The following ADAM19 variants were observed in gnomAD, a reference collection of about 807,000 sequenced individuals.
The protein encoded by ADAM19 is disintegrin and metalloproteinase domain-containing protein 19.
A neutral mutation model predicts 114.7 loss-of-function variants in ADAM19; 65 were observed. The ratio of observed to expected loss-of-function variants is 0.57; its 90% CI spans 0.46 to 0.70. The LOEUF is 0.70. ADAM19 is among the 30% of genes least tolerant of loss of function. The pLI, the probability that ADAM19 is intolerant of heterozygous loss-of-function variation, is 0.00. For missense variants in ADAM19, 1,063 were observed against 1,204.7 expected, an observed-to-expected ratio of 0.88 and a Z score of 1.74; for synonymous variants, 466 against 460.5, an observed-to-expected ratio of 1.01 and a Z score of -0.15.
chr5:157,478,908 G>C lies in ADAM19; in HGVS notation c.*2041C>G. ...ATTTCAGAGCTATCTACCTCCTGATGTGAGGGAGAAAGGCTGGAGAAGCCA... is the reference window on the plus strand; with the variant it reads ...ATTTCAGAGCTATCTACCTCCTGATCTGAGGGAGAAAGGCTGGAGAAGCCA... On this transcript the variant is annotated 3_prime_UTR_variant, in exon 23 of 23. Coordinates refer to ENST00000257527, the MANE Select transcript of ADAM19 (RefSeq NM_033274.5). 1 of 985,722 alleles carries C rather than the reference G, an allele frequency of 1.0e-6. No homozygotes were observed. Among genetic ancestry groups the C allele is most frequent in the Non-Finnish European group, 1.2e-6 (1 of 829,946 alleles). The allele number at this position is 985,722 out of a possible 1,614,324, so 61.1% of individuals were successfully genotyped here. A position where few individuals can be genotyped will look rare whatever the true frequency, so the allele number is the denominator to read the frequency against.
intron 5 of ADAM19, 91 bp from the exon 6 acceptor site, chr5:157,520,122 A>T: frequency 2.3e-6 from 3 of 1,293,128 alleles, no homozygotes; most frequent in Middle Eastern, 2.2e-4. Flanking sequence ...ATGCAAAATG[A>T]CATAGTGGGT....
chr5:157,495,933 CTTTTTTTTTTTT>C (rs57078206), intron 14 of ADAM19, among the ~76,000 whole-genome samples: 1 of 75,878 alleles, frequency 1.3e-5, no homozygotes, highest in Non-Finnish European at 2.4e-5. Context: ...TGTGCCCAGT[CTTTTTTTTTTTT>C]TTTTTTTTTT....
chr5:157,543,585 T>G (rs1270823313), intron 3 of ADAM19, among the ~76,000 whole-genome samples: 2 of 152,196 alleles, frequency 1.3e-5, no homozygotes, highest in African/African-American at 4.8e-5. Context: ...GCTTTACAAA[T>G]ATTGCTATCA....
At chr5:157,484,987 A>T (rs1754887863) in intron 21 of ADAM19, among the ~76,000 whole-genome samples, 1 of 152,254 alleles carries the variant, frequency 6.6e-6, no homozygotes, top group African/African-American at 2.4e-5. Context: ...GCCCTCGCCC[A>T]GCACTGTTTT....
intron 3 of ADAM19, among the ~76,000 whole-genome samples, chr5:157,557,587 C>T (rs1757402177): frequency 6.6e-6 from 1 of 152,190 alleles, no homozygotes; most frequent in African/African-American, 2.4e-5. Context: ...TATAACAAAA[C>T]AGCATAACCT....
chr5:157,534,873 T>G (rs1466137928), intron 4 of ADAM19, among the ~76,000 whole-genome samples: 1 of 152,218 alleles, frequency 6.6e-6, no homozygotes, highest in Non-Finnish European at 1.5e-5. Flanking sequence ...CTCCATCCTC[T>G]GCCTCTCCCA....
In ADAM19 at chr5:157,488,359, G is replaced by A. The variant is rs758822859; in HGVS notation, c.2456C>T (p.Pro819Leu). Residue 819 changes from proline (P) to leucine (L), a missense_variant, in exon 21 of 23, where the codon CCA becomes CTA. Physicochemically the swap from Pro to Leu is moderately conservative, Grantham distance 98. Transcript: ENST00000257527. The part of the protein sequence containing the change: ...AHLSRAARNS[P>L]GPGSQIERTE... ...CCTCTCTATTTGAGACCCGGGCCCT[G>A]GGGAGTTCCTAGCAGCCCTGCTCAG... 5.0e-6 allele frequency: 8 copies of A among 1,614,078 alleles called. No individual in the cohort carries two copies. The Admixed American group carries it at 6.7e-5, about 13-fold the overall frequency.
At chr5:157,565,379 C>T (rs558359055) in intron 2 of ADAM19, among the ~76,000 whole-genome samples, 1 of 152,302 alleles carries the variant, frequency 6.6e-6, no homozygotes, top group Non-Finnish European at 1.5e-5. Flanking sequence ...AAACTGACGG[C>T]AACTCTCTGA....
At chr5:157,505,866 C>A in intron 10 of ADAM19, 58 bp from the exon 11 acceptor site, 1 of 1,569,446 alleles carries the variant, frequency 6.4e-7, no homozygotes, top group East Asian at 2.3e-5. Flanking sequence ...CTCTGCCCCC[C>A]ATCCCTGCCT....
intron 5 of ADAM19, among the ~76,000 whole-genome samples, chr5:157,527,454 C>A (rs954733227): frequency 2.0e-5 from 3 of 152,178 alleles, no homozygotes; most frequent in African/African-American, 7.2e-5. Context: ...TTGTGATCTG[C>A]CTGCCTCGGC....
intron 12 of ADAM19, among the ~76,000 whole-genome samples, chr5:157,500,251 C>T (rs1156330190): frequency 6.6e-6 from 1 of 152,088 alleles, no homozygotes; most frequent in Non-Finnish European, 1.5e-5. Context: ...ATTCTCATGC[C>T]ACAGCCTCCC....
rs148119381 is a variant in ADAM19, at chr5:157,524,002, G to A, written c.408-3971C>T. The stretch of plus-strand genomic sequence containing the variant: ...ACTTCCCTCCCTTCCTCCAACTGCT[G>A]TTCCTGGTTATTTGCCCATGTCACG... On this transcript the variant is annotated intron_variant, in intron 5 of 22. Coordinates refer to ENST00000257527, the MANE Select transcript of ADAM19 (RefSeq NM_033274.5). Among the ~76,000 whole-genome samples, 337 of 152,332 alleles carry A rather than the reference G, an allele frequency of 2.2e-3. 3 individuals are homozygous for A. The highest frequency in any genetic ancestry group is 7.7e-3 in the African/African-American group (321 of 41,570).
intron 5 of ADAM19, among the ~76,000 whole-genome samples, chr5:157,523,380 T>C (rs1479079756): frequency 6.6e-6 from 1 of 152,208 alleles, no homozygotes; most frequent in Admixed American, 6.5e-5. Context: ...GTGGTCCCAT[T>C]GTTGGAGGTG....
intron 5 of ADAM19, among the ~76,000 whole-genome samples, chr5:157,529,210 G>A (rs1756557490): frequency 6.6e-6 from 1 of 152,094 alleles, no homozygotes; most frequent in Admixed American, 6.6e-5. Context: ...CTGGGAAACT[G>A]TAGCTCACTG....
intron 8 of ADAM19, among the ~76,000 whole-genome samples, chr5:157,511,994 G>C (rs1432594408): frequency 6.6e-6 from 1 of 152,198 alleles, no homozygotes; most frequent in Non-Finnish European, 1.5e-5. Context: ...GAACCTGCCA[G>C]GTCTCCAAAC....
intron 5 of ADAM19, among the ~76,000 whole-genome samples, chr5:157,520,952 G>A (rs1561541684): frequency 6.6e-6 from 1 of 152,276 alleles, no homozygotes; most frequent in South Asian, 2.1e-4. Context: ...CTCCTGCTAC[G>A]GGCCAGGTAT....
intron 7 of ADAM19, 52 bp from the exon 8 acceptor site, chr5:157,513,557 C>G: frequency 6.7e-7 from 1 of 1,499,722 alleles, no homozygotes; most frequent in Non-Finnish European, 9.3e-7. Context: ...TCACAGGATG[C>G]TTCCTGCGCC....
intron 21 of ADAM19, among the ~76,000 whole-genome samples, chr5:157,482,306 C>A (rs182641480): frequency 6.6e-6 from 1 of 152,256 alleles, no homozygotes; most frequent in East Asian, 1.9e-4. Context: ...GATATTAGCC[C>A]TCTGTCAGAT....
At position 157,519,940 on chromosome 5, in the gene ADAM19, G is replaced by C; in HGVS notation, c.499C>G (p.Leu167Val). 4.3e-6 allele frequency: 7 copies of C among 1,614,166 alleles called. No homozygotes were observed. Among genetic ancestry groups the C allele is most frequent in the Non-Finnish European group, 5.9e-6 (7 of 1,180,032 alleles). ...CCACAGTTTCCCGGGGGCGGCTTGA[G>C]ATGTTCAGATCTGTAAATAAGGTGT... ...GQHLIYRSEH[L>V]KPPPGNCGFE... is the part of the protein sequence containing the mutation. The change falls in exon 6 of 23, where the codon CTC becomes GTC. Residue 167 changes from leucine to valine, a missense_variant. Leu to Val is a conservative substitution (Grantham distance 32). Around this residue, in one of 3 missense-constraint regions of ADAM19, gnomAD observed 615 missense variants for 706.3 expected, o/e 0.87. Transcript: ENST00000257527.
Sources: gnomAD v4.1 joint callset for allele counts (sites outside exome capture counted in the v4.1 genomes callset) on GRCh38, gnomAD v4.1.1 for gene constraint, gnomAD v4.1.1 regional missense constraint, MANE v1.5 for transcripts, NCBI Gene and HGNC (gene_info 2026-07-23, HGNC 2026-07-21) for gene names.